The following HMGB1 variants were observed in gnomAD, a reference collection of about 807,000 sequenced individuals.
The protein encoded by HMGB1 is high mobility group box 1, also known as high mobility group protein B1.
For synonymous variants in HMGB1, 81 were observed against 84.0 expected, an observed-to-expected ratio of 0.96 and a Z score of 0.19; for missense variants, 79 against 253.5, an observed-to-expected ratio of 0.31 and a Z score of 4.67.
intron 1 of HMGB1, among the ~76,000 whole-genome samples, chr13:30,530,412 A>G (rs1888468773): frequency 6.6e-6 from 1 of 152,198 alleles, no homozygotes; most frequent in South Asian, 2.1e-4. Flanking sequence ...TTGTGCAGGT[A>G]AAAGTGTGTA....
At chr13:30,486,226 G>A (rs1887359792) in intron 1 of HMGB1, among the ~76,000 whole-genome samples, 1 of 152,192 alleles carries the variant, frequency 6.6e-6, no homozygotes, top group African/African-American at 2.4e-5. Flanking sequence ...ATATAGTCTG[G>A]TCTGCTGATC....
intron 1 of HMGB1, among the ~76,000 whole-genome samples, chr13:30,558,666 C>T (rs1176609045): frequency 6.6e-6 from 1 of 152,188 alleles, no homozygotes; most frequent in Non-Finnish European, 1.5e-5. Flanking sequence ...TCCAAAAAGA[C>T]ATTCTGACAG....
In HMGB1 at chr13:30,554,509, G is replaced by A. The variant is rs1271273099; in HGVS notation, c.-15+62162C>T. The stretch of plus-strand genomic sequence containing the variant: ...TAATAGAAGGAGCAAAATGTATAAA[G>A]GTAGATTCTAGTATACAGAAACGGT... On this transcript the variant is annotated intron_variant, in intron 1 of 4. Coordinates refer to the HMGB1 transcript ENST00000405805. The A allele has an allele frequency of 5.9e-6, 6 of 1,013,436 alleles. No individual in the cohort carries two copies. The East Asian group carries it at 9.5e-5, about 16-fold the overall frequency. The allele number at this position is 1,013,436 out of a possible 1,614,324, so 62.8% of individuals were successfully genotyped here. A position where few individuals can be genotyped will look rare whatever the true frequency, so the allele number is the denominator to read the frequency against.
intron 1 of HMGB1, 116 bp downstream of exon 1, chr13:30,465,680 A>T (rs939290546): frequency 2.9e-6 from 1 of 339,986 alleles, no homozygotes; most frequent in Non-Finnish European, 4.1e-6. Context: ...GTCCCCCCTC[A>T]TTTGCCTTTG....
intron 1 of HMGB1, among the ~76,000 whole-genome samples, chr13:30,518,453 T>C (rs1392640973): frequency 1.3e-5 from 2 of 152,228 alleles, no homozygotes. Flanking sequence ...TGGCAGAACA[T>C]CGAGGGCATG....
At chr13:30,463,089 T>C in intron 3 of HMGB1, 118 bp downstream of exon 3, 1 of 1,002,420 alleles carries the variant, frequency 1.0e-6, no homozygotes, top group African/African-American at 1.6e-5. Context: ...TGAACAAGTA[T>C]TAGCTAAGAA....
chr13:30,471,411 G>A (rs998621790), intron 1 of HMGB1, among the ~76,000 whole-genome samples: 1 of 149,096 alleles, frequency 6.7e-6, no homozygotes, highest in South Asian at 2.1e-4. Context: ...GCAGTGGCGC[G>A]ATCTCGGCTC....
intron 1 of HMGB1, among the ~76,000 whole-genome samples, chr13:30,573,364 A>C (rs1326399058): frequency 6.6e-6 from 1 of 152,212 alleles, no homozygotes; most frequent in East Asian, 1.9e-4. Context: ...CTCCATAATA[A>C]ATTCTTTATG....
chr13:30,508,049 C>T (rs979783346), intron 1 of HMGB1, among the ~76,000 whole-genome samples: 5 of 152,046 alleles, frequency 3.3e-5, no homozygotes, highest in African/African-American at 1.2e-4. Flanking sequence ...GAGTGGCTGG[C>T]CATGGCCTTG....
chr13:30,538,344 G>A (rs1868549332), intron 1 of HMGB1, among the ~76,000 whole-genome samples: 1 of 152,104 alleles, frequency 6.6e-6, no homozygotes. Flanking sequence ...AGAAAAGGAG[G>A]GGAAAGAAAG....
chr13:30,592,471 GA>G (rs1286790705), intron 1 of HMGB1, among the ~76,000 whole-genome samples: 1 of 152,028 alleles, frequency 6.6e-6, no homozygotes, highest in Non-Finnish European at 1.5e-5. Context: ...GTTATGTTTG[GA>G]AAAACATAGA....
At chr13:30,562,851 A>T (rs1411899135) in intron 1 of HMGB1, among the ~76,000 whole-genome samples, 1 of 152,218 alleles carries the variant, frequency 6.6e-6, no homozygotes, top group African/African-American at 2.4e-5. Context: ...TTCCTCTGTT[A>T]TTATCTGAAC....
At chr13:30,506,607 TCTGCAGCACAC>T (rs1208084327) in intron 1 of HMGB1, among the ~76,000 whole-genome samples, 1 of 152,128 alleles carries the variant, frequency 6.6e-6, no homozygotes, top group African/African-American at 2.4e-5. Context: ...GGGCACTTTC[TCTGCAGCACAC>T]CTAGCTAGGT....
At chr13:30,608,465 A>G (rs1353437717) in intron 1 of HMGB1, among the ~76,000 whole-genome samples, 1 of 152,206 alleles carries the variant, frequency 6.6e-6, no homozygotes, top group Non-Finnish European at 1.5e-5. Context: ...AAGCTCTTTC[A>G]TACTCCACAT....
intron 1 of HMGB1, among the ~76,000 whole-genome samples, chr13:30,608,406 A>AC (rs1220970044): frequency 1.3e-5 from 2 of 148,768 alleles, no homozygotes; most frequent in Non-Finnish European, 3.0e-5. Context: ...GCAAAGTACT[A>AC]AAAAAAAAAT....
chr13:30,599,077 C>A (rs1463098923), intron 1 of HMGB1, among the ~76,000 whole-genome samples: 1 of 152,090 alleles, frequency 6.6e-6, no homozygotes, highest in African/African-American at 2.4e-5. Flanking sequence ...TCCCAAGTAG[C>A]AACCAACAGT....
intron 1 of HMGB1, among the ~76,000 whole-genome samples, chr13:30,579,888 AT>A (rs1396149787): frequency 1.3e-5 from 2 of 152,242 alleles, no homozygotes; most frequent in African/African-American, 4.8e-5. Flanking sequence ...TTACAGTGAA[AT>A]AAAAAATGAC....
At chr13:30,525,858 G>GT (rs1555237435) in intron 1 of HMGB1, among the ~76,000 whole-genome samples, 2 of 151,458 alleles carry the variant, frequency 1.3e-5, no homozygotes, top group East Asian at 1.9e-4. Context: ...TGAGATTGTG[G>GT]GGGGACACAA....
chr13:30,584,288 A>G (rs1871046332), intron 1 of HMGB1, among the ~76,000 whole-genome samples: 1 of 152,176 alleles, frequency 6.6e-6, no homozygotes, highest in Admixed American at 6.5e-5. Context: ...ATCCTACCTC[A>G]GAACATGTGC....
Sources: allele counts gnomAD v4.1 joint callset (sites outside exome capture counted in the v4.1 genomes callset), GRCh38; gene constraint gnomAD v4.1.1; transcripts MANE v1.5; gene names NCBI Gene and HGNC (gene_info 2026-07-23, HGNC 2026-07-21).